ADAMTS9: variants seen among roughly 807,000 people sequenced by gnomAD.
ADAMTS9 encodes ADAM metallopeptidase with thrombospondin type 1 motif 9.
Under a neutral mutation model 257.1 loss-of-function variants are expected in ADAMTS9, and 107 were observed. The ratio of observed to expected loss-of-function variants is 0.42; its 90% CI spans 0.36 to 0.49. ADAMTS9 has a LOEUF of 0.49. Ranked by LOEUF, ADAMTS9 falls within the 20% of genes least tolerant of loss-of-function variation. ADAMTS9 has a pLI of 0.03. For synonymous variants in ADAMTS9, 982 were observed against 880.9 expected, an observed-to-expected ratio of 1.11 and a Z score of -2.03; for missense variants, 2,353 against 2,469.1, an observed-to-expected ratio of 0.95 and a Z score of 1.00.
chr3:64,595,672 A>T (rs1254984622), intron 27 of ADAMTS9, among the ~76,000 whole-genome samples: 1 of 152,202 alleles, frequency 6.6e-6, no homozygotes, highest in Non-Finnish European at 1.5e-5. Context: ...AATGAAAGTC[A>T]ACAATAATCC....
intron 28 of ADAMTS9, among the ~76,000 whole-genome samples, chr3:64,580,692 AG>A (rs1366825314): frequency 9.9e-5 from 15 of 152,252 alleles, no homozygotes; most frequent in Admixed American, 6.5e-5. Flanking sequence ...ATGTAAAAAA[AG>A]ATCCTATTCA....
intron 28 of ADAMTS9, among the ~76,000 whole-genome samples, chr3:64,579,375 A>T (rs2106734663): frequency 6.6e-6 from 1 of 152,284 alleles, no homozygotes; most frequent in South Asian, 2.1e-4. Flanking sequence ...AATTAATTTA[A>T]TTAAGCTCTA....
chr3:64,633,351 T>C, intron 14 of ADAMTS9, 121 bp downstream of exon 14: 1 of 1,445,020 alleles, frequency 6.9e-7, no homozygotes, highest in Non-Finnish European at 9.3e-7. Flanking sequence ...GGCCACACTT[T>C]GAGAACCACT....
chr3:64,564,618 T>TGGG (rs148495610), intron 29 of ADAMTS9, among the ~76,000 whole-genome samples: 3 of 151,540 alleles, frequency 2.0e-5, no homozygotes, highest in African/African-American at 7.3e-5. Context: ...TTTTTGTGTG[T>TGGG]GGGGGGGGCG....
At chr3:64,627,358 C>T (rs958268659) in intron 16 of ADAMTS9, among the ~76,000 whole-genome samples, 7 of 150,248 alleles carry the variant, frequency 4.7e-5, no homozygotes, top group Non-Finnish European at 8.8e-5. Context: ...AATGGTTTGG[C>T]CCCAGACATC....
chr3:64,679,164 A>G (rs1205509395), intron 3 of ADAMTS9, among the ~76,000 whole-genome samples: 1 of 152,182 alleles, frequency 6.6e-6, no homozygotes, highest in Non-Finnish European at 1.5e-5. Context: ...AGGATTTGAC[A>G]ATGACATTTC....
intron 38 of ADAMTS9, among the ~76,000 whole-genome samples, chr3:64,524,298 G>A (rs976230133): frequency 1.2e-4 from 19 of 152,256 alleles, no homozygotes; most frequent in Non-Finnish European, 1.9e-4. Context: ...GCAATGTAGT[G>A]ACATGCTAAA....
Position 64,686,726 on chromosome 3 carries a change from T to C in ADAMTS9, c.358A>G (p.Ile120Val), listed in dbSNP as rs1701919286. 6.2e-7 allele frequency: 1 copy of C among 1,614,064 alleles called. No individual in the cohort carries two copies. Among genetic ancestry groups the C allele is most frequent in the Non-Finnish European group, 8.5e-7 (1 of 1,180,042 alleles). ...LFNLTANAGF[I>V]APLFTVTLLG... The stretch of plus-strand genomic sequence containing the variant: ...AGGGTGACAGTGAACAGTGGAGCGA[T>C]AAATCCGGCATTGGCGGTGAGATTA... Residue 120 changes from isoleucine (I) to valine (V), a missense_variant, in exon 2 of 40, where the codon ATC becomes GTC. Around this residue, in one of 3 missense-constraint regions of ADAMTS9, gnomAD observed 591 missense variants for 569.6 expected, o/e 1.04. Coordinates refer to ENST00000498707, the MANE Select transcript of ADAMTS9 (RefSeq NM_182920.2). This position sits in a 1 kb window ranked among gnomAD's most constrained non-coding sequence, Gnocchi z 4.6.
chr3:64,637,749 G>A (rs1700534907), intron 12 of ADAMTS9, among the ~76,000 whole-genome samples: 2 of 152,234 alleles, frequency 1.3e-5, no homozygotes, highest in Admixed American at 6.5e-5. Context: ...TTAAGAAGGG[G>A]CCTGATGGCC....
intron 27 of ADAMTS9, among the ~76,000 whole-genome samples, chr3:64,595,804 C>G (rs367728592): frequency 6.6e-6 from 1 of 152,116 alleles, no homozygotes; most frequent in African/African-American, 2.4e-5. Context: ...TTTTTCCCCC[C>G]CTTGGCACTG....
At chr3:64,580,203 G>T (rs1005208656) in intron 28 of ADAMTS9, among the ~76,000 whole-genome samples, 8 of 152,084 alleles carry the variant, frequency 5.3e-5, no homozygotes, top group African/African-American at 1.4e-4. Context: ...TCTTTCTTTT[G>T]GCTGGAAACA....
intron 38 of ADAMTS9, among the ~76,000 whole-genome samples, chr3:64,530,615 C>G (rs1026025900): frequency 1.3e-5 from 2 of 151,464 alleles, no homozygotes; most frequent in Non-Finnish European, 2.9e-5. Context: ...TCTTGGGGAA[C>G]AGCCAGTGTA....
At chr3:64,534,745 T>C (rs1246825455) in intron 37 of ADAMTS9, among the ~76,000 whole-genome samples, 1 of 146,598 alleles carries the variant, frequency 6.8e-6, no homozygotes, top group Non-Finnish European at 1.5e-5. Context: ...AATCTGGCAA[T>C]GTCTGGAAAC....
At chr3:64,530,501 T>C (rs923245123) in intron 38 of ADAMTS9, among the ~76,000 whole-genome samples, 6 of 143,096 alleles carry the variant, frequency 4.2e-5, no homozygotes, top group African/African-American at 1.6e-4. Flanking sequence ...TCACACTCTC[T>C]GAACTGCCAA....
intron 22 of ADAMTS9, among the ~76,000 whole-genome samples, chr3:64,608,704 A>G (rs566265772): frequency 6.6e-6 from 1 of 152,194 alleles, no homozygotes; most frequent in South Asian, 2.1e-4. Flanking sequence ...AAACATTTAA[A>G]TAAACATTAA....
Position 64,601,991 on chromosome 3 carries a change from T to TGCG in ADAMTS9, c.3967_3969dup (p.Arg1323dup). 6.2e-7 allele frequency: 1 copy of TGCG among 1,613,196 alleles called. No homozygotes were observed. Among genetic ancestry groups the TGCG allele is most frequent in the Non-Finnish European group, 8.5e-7 (1 of 1,179,614 alleles). ...CACTGGTTTCCACCGAGCACATGGGTGCGGCTGGGGCTGGCGCTCCGGGGA... is the reference window on the plus strand; with the variant it reads ...CACTGGTTTCCACCGAGCACATGGGTGCGGCGGCTGGGGCTGGCGCTCCGGGGA... On this transcript the variant is annotated inframe_insertion, in exon 26 of 40. Transcript: ENST00000498707.
intron 8 of ADAMTS9, among the ~76,000 whole-genome samples, chr3:64,653,795 C>A (rs780627553): frequency 6.6e-6 from 1 of 152,322 alleles, no homozygotes; most frequent in African/African-American, 2.4e-5. Flanking sequence ...CATTTCATAA[C>A]GGCCACTTAG....
rs1204701304 is a variant in ADAMTS9, at chr3:64,633,472, C to T, written c.2175G>A (p.Arg725=). 2 of 1,613,778 alleles carry T rather than the reference C, an allele frequency of 1.2e-6. No homozygotes were observed. The highest frequency in any genetic ancestry group is 1.3e-5 in the African/African-American group (1 of 74,902). ...GAAGAAAACACCATCAAGGACTTAC[C>T]CGGCAAAGGCCCTGGACACAGATAT... is the stretch of plus-strand genomic sequence containing the variant. ...TNDICVQGLC[R]QAGCDHVLNS... Residue 725 remains arginine, a splice_region_variant and synonymous_variant, in exon 14 of 40, where the codon CGG becomes CGA. Transcript: ENST00000498707.
intron 12 of ADAMTS9, 125 bp downstream of exon 12, chr3:64,641,723 C>T: frequency 7.7e-7 from 1 of 1,303,598 alleles, no homozygotes; most frequent in Admixed American, 2.1e-5. Context: ...CTAAGCAGCC[C>T]TTGAAGTTTA....
Sources: allele counts gnomAD v4.1 joint callset (sites outside exome capture counted in the v4.1 genomes callset), GRCh38; gene constraint gnomAD v4.1.1; regional missense constraint gnomAD v4.1.1; non-coding constraint Gnocchi (gnomAD v3.1); transcripts MANE v1.5; gene names NCBI Gene and HGNC (gene_info 2026-07-23, HGNC 2026-07-21).